The following MARCHF4 variants were observed in gnomAD, a reference collection of about 807,000 sequenced individuals.
The protein encoded by MARCHF4 is membrane associated ring-CH-type finger 4, also known as E3 ubiquitin-protein ligase MARCHF4.
In MARCHF4, 14 loss-of-function variants were observed where a neutral mutation model predicts 43.9. That is an observed-to-expected ratio of 0.32 (90% CI 0.21 to 0.50). MARCHF4 has a LOEUF of 0.50. Ranked by LOEUF, MARCHF4 falls within the 20% of genes least tolerant of loss-of-function variation. The probability of loss-of-function intolerance (pLI) is 0.98; values close to 1 mark genes in which losing one functional copy is unlikely to be tolerated. For missense variants in MARCHF4, 468 were observed against 536.7 expected (o/e 0.87, Z 1.27); for synonymous variants, 226 against 213.3 (o/e 1.06, Z -0.52).
intron 1 of MARCHF4, among the ~76,000 whole-genome samples, chr2:216,314,348 C>T (rs1264589947): frequency 2.1e-5 from 3 of 141,576 alleles, no homozygotes; most frequent in African/African-American, 2.7e-5. Flanking sequence ...TTTTTTGAGA[C>T]AGTCTCACTC....
chr2:216,307,158 G>A lies in MARCHF4; in HGVS notation c.517-23429C>T, dbSNP rs192961760. Among the ~76,000 whole-genome samples the A allele has an allele frequency of 2.4e-4, 37 of 152,266 alleles. No homozygotes were observed. The East Asian group carries it at 5.4e-3, about 22-fold the overall frequency. Reference sequence around the variant, plus strand: ...TGGAAGGAGCTCCCATGGCCAGCACGTTAGATGGGCCCTCTCAGGTGTGCC... The same window carrying A: ...TGGAAGGAGCTCCCATGGCCAGCACATTAGATGGGCCCTCTCAGGTGTGCC... On this transcript the variant is annotated intron_variant, in intron 1 of 3. Transcript: ENST00000273067.
At chr2:216,349,174 C>T (rs1271477984) in intron 1 of MARCHF4, among the ~76,000 whole-genome samples, 2 of 152,116 alleles carry the variant, frequency 1.3e-5, no homozygotes, top group Non-Finnish European at 2.9e-5. Context: ...TCAGTGTGCA[C>T]GTGCAATGTG....
chr2:216,333,232 T>C (rs1430823841), intron 1 of MARCHF4, among the ~76,000 whole-genome samples: 1 of 152,246 alleles, frequency 6.6e-6, no homozygotes, highest in Non-Finnish European at 1.5e-5. Flanking sequence ...AGAAGATATT[T>C]GCAAAACGCA....
intron 1 of MARCHF4, among the ~76,000 whole-genome samples, chr2:216,306,624 T>C (rs1691591072): frequency 6.6e-6 from 1 of 152,050 alleles, no homozygotes. Flanking sequence ...CCTGCCATAT[T>C]ATAGCAAGGG....
In MARCHF4 at chr2:216,320,605, CTTTT is replaced by C. The variant is rs72375205; in HGVS notation, c.517-36880_517-36877del. Among the ~76,000 whole-genome samples, 11 of 138,516 alleles carry C rather than the reference CTTTT, an allele frequency of 7.9e-5. No individual in the cohort carries two copies. The South Asian group carries it at 2.8e-3, about 35-fold the overall frequency. The allele number at this position is 138,516 out of a possible 152,430, so 90.9% of individuals were successfully genotyped here. On this transcript the variant is annotated intron_variant, in intron 1 of 3. Transcript: ENST00000273067. ...AGATAAGGTTGTAGAGCTATAGCCT[CTTTT>C]TCTTTCTTTCTTTCTTTCTTTCTTT...
At chr2:216,351,992 T>A (rs1692410763) in intron 1 of MARCHF4, among the ~76,000 whole-genome samples, 1 of 152,212 alleles carries the variant, frequency 6.6e-6, no homozygotes, top group South Asian at 2.1e-4. Flanking sequence ...TAATTCCAAG[T>A]GCTGAGAAAA....
chr2:216,332,404 A>AC (rs1315286385), intron 1 of MARCHF4, among the ~76,000 whole-genome samples: 6 of 151,230 alleles, frequency 4.0e-5, no homozygotes, highest in Non-Finnish European at 8.8e-5. Context: ...AAAAAAAAAA[A>AC]GAAAGAAAGA....
intron 3 of MARCHF4, among the ~76,000 whole-genome samples, chr2:216,273,223 C>T (rs961689250): frequency 1.3e-5 from 2 of 152,220 alleles, no homozygotes; most frequent in African/African-American, 4.8e-5. Context: ...ACATTGTTAA[C>T]GATTTGTTAA....
chr2:216,304,492 G>T (rs16855883), intron 1 of MARCHF4, among the ~76,000 whole-genome samples: 2,874 of 152,214 alleles, frequency 0.019, 82 homozygotes, highest in African/African-American at 0.064. Context: ...AAATTGAATG[G>T]TTTCCCTCAG....
At chr2:216,360,728 A>G (rs74269458) in intron 1 of MARCHF4, among the ~76,000 whole-genome samples, 2,518 of 152,322 alleles carry the variant, frequency 0.017, 105 homozygotes, top group East Asian at 0.14. Context: ...TACGATATCA[A>G]CAGTGAACCC....
intron 1 of MARCHF4, among the ~76,000 whole-genome samples, chr2:216,342,599 A>G (rs62181103): frequency 0.064 from 9,712 of 151,920 alleles, 389 homozygotes; most frequent in South Asian, 0.21. Flanking sequence ...GAGAAGTGGG[A>G]ATGGGGTAGG....
Position 216,323,715 on chromosome 2 carries a change from T to C in MARCHF4, c.517-39986A>G, listed in dbSNP as rs868552739. Among the ~76,000 whole-genome samples the C allele has an allele frequency of 2.6e-4, 40 of 152,086 alleles. 1 individual carries two copies. The Middle Eastern group carries it at 0.014, about 52-fold the overall frequency. ...GAACAACCTGCTCCTGAATGACTAC[T>C]GGGTACATAATGAAATAAAGGCAGA... is the stretch of plus-strand genomic sequence containing the variant. On this transcript the variant is annotated intron_variant, in intron 1 of 3. Transcript: ENST00000273067.
chr2:216,266,607 T>C (rs965751168), intron 3 of MARCHF4, among the ~76,000 whole-genome samples: 4 of 152,158 alleles, frequency 2.6e-5, no homozygotes, highest in African/African-American at 9.7e-5. Context: ...TCTCCTTCCC[T>C]GCAGAATTCC....
chr2:216,267,531 C>T (rs931429582), intron 3 of MARCHF4, among the ~76,000 whole-genome samples: 16 of 152,166 alleles, frequency 1.1e-4, no homozygotes, highest in Non-Finnish European at 4.4e-5. Context: ...TCTCCTACTG[C>T]TCAGGAACTT....
chr2:216,313,115 A>G (rs768462778), intron 1 of MARCHF4, among the ~76,000 whole-genome samples: 23 of 152,188 alleles, frequency 1.5e-4, no homozygotes, highest in Non-Finnish European at 2.8e-4. Flanking sequence ...CAATTATCCC[A>G]GCACCATTAA....
intron 1 of MARCHF4, among the ~76,000 whole-genome samples, chr2:216,349,141 C>T (rs564366431): frequency 9.2e-5 from 14 of 152,216 alleles, no homozygotes; most frequent in African/African-American, 3.4e-4. Flanking sequence ...GACTAATTCC[C>T]AGTGTGGTGA....
rs753064600 is a variant in MARCHF4 at position 216,369,984 on chromosome 2, G to T, written c.277C>A (p.Pro93Thr). 4 of 1,548,688 alleles carry T rather than the reference G, an allele frequency of 2.6e-6. No individual in the cohort carries two copies. The highest frequency in any genetic ancestry group is 1.4e-5 in the African/African-American group (1 of 73,318). ...GGCTCCCTGCCCACCACTTCTCGGG[G>T]GCCCCTCCAGCCTGCCCACCCCCCG... Reference protein sequence around the residue: ...GAGGWAGWRGPREVVGREPPP... With the variant: ...GAGGWAGWRGTREVVGREPPP... Residue 93 changes from proline (P) to threonine (T), a missense_variant, in exon 1 of 4, where the codon CCC becomes ACC. By Grantham distance (38) the Pro-to-Thr change is conservative. Coordinates refer to ENST00000273067, the MANE Select transcript of MARCHF4 (RefSeq NM_020814.3).
In MARCHF4 at chr2:216,262,560, G is replaced by T. The variant is rs189497927; in HGVS notation, c.866-2881C>A. Among the ~76,000 whole-genome samples, 31 of 152,244 alleles carry T rather than the reference G, an allele frequency of 2.0e-4. No individual in the cohort carries two copies. In the South Asian group the frequency reaches 2.1e-3, roughly 10 times the overall value. ...TAGAGGATTATTGGAGTCAGTGAAT[G>T]GGGGGTGATGGTCGGAGAGTGGGAT... On this transcript the variant is annotated intron_variant, in intron 3 of 3. Coordinates refer to ENST00000273067, the MANE Select transcript of MARCHF4 (RefSeq NM_020814.3).
intron 1 of MARCHF4, among the ~76,000 whole-genome samples, chr2:216,349,344 C>T (rs978247925): frequency 6.6e-6 from 1 of 152,148 alleles, no homozygotes; most frequent in African/African-American, 2.4e-5. Context: ...TATCTAAGTG[C>T]CTAATTGGCT....
Sources: gnomAD v4.1 joint callset for allele counts (sites outside exome capture counted in the v4.1 genomes callset) on GRCh38, gnomAD v4.1.1 for gene constraint, MANE v1.5 for transcripts, NCBI Gene and HGNC (gene_info 2026-07-23, HGNC 2026-07-21) for gene names.